The following NLGN4Y variants were observed in gnomAD, a reference collection of about 807,000 sequenced individuals.
NLGN4Y encodes neuroligin-4, Y-linked.
NLGN4Y carries 4 observed loss-of-function variants against 8.4 expected under a neutral mutation model. That is an observed-to-expected ratio of 0.48 (90% CI 0.23 to 1.09). NLGN4Y has a LOEUF of 1.09. NLGN4Y is among the 50% of genes least tolerant of loss of function. The pLI is 0.19. For synonymous variants in NLGN4Y, 35 were observed against 75.6 expected (o/e 0.46, Z 2.78); for missense variants, 90 against 192.3 (o/e 0.47, Z 3.15).
At chrY:14,809,010 G>A (rs2043067723) in intron 4 of NLGN4Y, among the ~76,000 whole-genome samples, 1 of 33,750 alleles carries the variant, frequency 3.0e-5, no homozygotes, top group Non-Finnish European at 7.3e-5. Context: ...TAATGAATTT[G>A]TGTGTCCAGT....
intron 2 of NLGN4Y, among the ~76,000 whole-genome samples, chrY:14,698,794 A>G (rs761744477): frequency 3.1e-5 from 1 of 32,312 alleles, no homozygotes; most frequent in South Asian, 7.0e-4. Flanking sequence ...AAATTTAAGC[A>G]TATTTATGCA....
At chrY:14,582,403 T>C (rs2080322322) in intron 1 of NLGN4Y, among the ~76,000 whole-genome samples, 2 of 32,971 alleles carry the variant, frequency 6.1e-5, no homozygotes, top group Non-Finnish European at 1.5e-4. Flanking sequence ...CCTGAAAGAT[T>C]GAGGCTGCAG....
intron 6 of NLGN4Y, among the ~76,000 whole-genome samples, chrY:14,834,417 A>G: frequency 5.9e-5 from 2 of 33,834 alleles, no homozygotes; most frequent in Non-Finnish European, 1.5e-4. Context: ...AGGTAATGAG[A>G]GCCTGAATGT....
At chrY:14,765,290 C>T in intron 4 of NLGN4Y, among the ~76,000 whole-genome samples, 1 of 33,776 alleles carries the variant, frequency 3.0e-5, no homozygotes, top group African/African-American at 1.2e-4. Context: ...ACACTTGACT[C>T]TATATTTCTT....
chrY:14,549,564 C>A, intron 1 of NLGN4Y, among the ~76,000 whole-genome samples: 1 of 33,218 alleles, frequency 3.0e-5, no homozygotes, highest in Non-Finnish European at 7.4e-5. Flanking sequence ...TTTTCTCATT[C>A]TTTTCAGGCT....
chrY:14,759,194 A>G lies in NLGN4Y; in HGVS notation c.685+35925A>G, dbSNP rs2081072418. Among the ~76,000 whole-genome samples, 4 of 34,426 alleles carry G rather than the reference A, an allele frequency of 1.2e-4. No individual in the cohort carries two copies. The South Asian group carries it at 1.9e-3, about 16-fold the overall frequency. 92.4% of individuals were successfully genotyped at this position (34,426 alleles called of 37,273 possible). A position where few individuals can be genotyped will look rare whatever the true frequency, so the allele number is the denominator to read the frequency against. The stretch of plus-strand genomic sequence containing the variant: ...AACTAACACTTCAAAGAAATGTCAG[A>G]CAGTTAATCATCACCTGACACCATA... On this transcript the variant is annotated intron_variant, in intron 4 of 6. Coordinates refer to ENST00000684976, the MANE Select transcript of NLGN4Y (RefSeq NM_001365588.1).
At position 14,793,210 on chromosome Y, in the gene NLGN4Y, G is replaced by T. The variant is rs757544805; in HGVS notation, c.686-30978G>T. 1.5e-4 allele frequency among the ~76,000 whole-genome samples: 5 copies of T among 33,460 alleles called. No homozygotes were observed. The East Asian group carries it at 2.3e-3, about 16-fold the overall frequency. The allele number at this position is 33,460 out of a possible 37,273, so 89.8% of individuals were successfully genotyped here. ...TGTGTTAAAATAATAAATATGTGTC[G>T]CTGTTAAAATAGTTTTGCATACATG... On this transcript the variant is annotated intron_variant, in intron 4 of 6. Transcript: ENST00000684976.
rs751810626 is a variant in NLGN4Y at position 14,677,440 on chromosome Y, C to A, written c.473-42019C>A. Among the ~76,000 whole-genome samples, 4 of 33,118 alleles carry A rather than the reference C, an allele frequency of 1.2e-4. No individual in the cohort carries two copies. In the East Asian group the frequency reaches 3.2e-3, roughly 27 times the overall value. The allele number at this position is 33,118 out of a possible 37,273, so 88.9% of individuals were successfully genotyped here. A position where few individuals can be genotyped will look rare whatever the true frequency, so the allele number is the denominator to read the frequency against. The stretch of plus-strand genomic sequence containing the variant: ...TTCCAGTGTTAGCTCCTTTTGCTTT[C>A]TTTTGTATACCTTGTGCCCTTGCCC... On this transcript the variant is annotated intron_variant, in intron 2 of 6. Transcript: ENST00000684976.
chrY:14,682,878 G>T, intron 2 of NLGN4Y, among the ~76,000 whole-genome samples: 1 of 32,089 alleles, frequency 3.1e-5, no homozygotes, highest in Non-Finnish European at 7.6e-5. Context: ...TGTGCCTATG[G>T]TCCCAGCTAC....
intron 4 of NLGN4Y, among the ~76,000 whole-genome samples, chrY:14,794,997 C>A: frequency 6.0e-5 from 2 of 33,446 alleles, no homozygotes; most frequent in Admixed American, 5.5e-4. Context: ...GCCTCAGCCC[C>A]CTGAGTAGCT....
At chrY:14,738,544 T>C in intron 4 of NLGN4Y, among the ~76,000 whole-genome samples, 1 of 32,633 alleles carries the variant, frequency 3.1e-5, no homozygotes, top group Non-Finnish European at 7.5e-5. Flanking sequence ...CTTTTCTAAT[T>C]AGTGGAGCAT....
At position 14,606,822 on chromosome Y, in the gene NLGN4Y, C is replaced by T. The variant is rs1045454789; in HGVS notation, c.-111-15187C>T. On this transcript the variant is annotated intron_variant, in intron 1 of 6. Transcript: ENST00000684976. ...CATTCCCAAAGCATATATATATATA[C>T]GTATATACACACACACATATACATA... Among the ~76,000 whole-genome samples, 5 of 31,961 alleles carry T rather than the reference C, an allele frequency of 1.6e-4. No individual in the cohort carries two copies. In the South Asian group the frequency reaches 2.1e-3, roughly 13 times the overall value. 85.7% of individuals were successfully genotyped at this position (31,961 alleles called of 37,273 possible). A position where few individuals can be genotyped will look rare whatever the true frequency, so the allele number is the denominator to read the frequency against.
chrY:14,833,847 G>A, intron 6 of NLGN4Y, among the ~76,000 whole-genome samples: 1 of 32,768 alleles, frequency 3.1e-5, no homozygotes, highest in Non-Finnish European at 7.5e-5. Context: ...GTAGACTGGA[G>A]CTGTTCCTAT....
intron 4 of NLGN4Y, among the ~76,000 whole-genome samples, chrY:14,823,605 TTA>T (rs2043131663): frequency 3.0e-5 from 1 of 33,888 alleles, no homozygotes; most frequent in African/African-American, 1.1e-4. Context: ...CTTCATGTTA[TTA>T]ATATTTTAGA....
chrY:14,654,211 A>T, intron 2 of NLGN4Y, among the ~76,000 whole-genome samples: 1 of 33,270 alleles, frequency 3.0e-5, no homozygotes, highest in Non-Finnish European at 7.4e-5. Flanking sequence ...TTAATCTTCC[A>T]TTCCTTTTCT....
chrY:14,734,758 A>G (rs773630718), intron 4 of NLGN4Y, among the ~76,000 whole-genome samples: 39 of 33,531 alleles, frequency 1.2e-3, no homozygotes, highest in Non-Finnish European at 2.8e-3. Flanking sequence ...TTGTTCTTAA[A>G]TGAGATTAAA....
At position 14,829,792 on chromosome Y, in the gene NLGN4Y, C is replaced by T; in HGVS notation, c.934C>T (p.Gln312Ter). The T allele has an allele frequency of 2.5e-6, 1 of 398,942 alleles. No individual in the cohort carries two copies. The highest frequency in any genetic ancestry group is 3.5e-6 in the Non-Finnish European group (1 of 283,640). Residue 312 changes from glutamine (Q) to a stop codon, truncating the protein, a stop_gained, in exon 6 of 7, where the codon CAG (glutamine) becomes TAG (stop). Transcript: ENST00000684976. LOFTEE classifies it high-confidence loss of function. ...CCTGTCCAGCTGGGCAGTGAACTAC[C>T]AGCCGGCCAAGTACACTCGGATATT... Reference protein sequence around the residue: ...TALSSWAVNYQPAKYTRILAD... With the variant: ...TALSSWAVNY
chrY:14,836,404 G>A (rs2043197840), intron 6 of NLGN4Y, among the ~76,000 whole-genome samples: 1 of 32,435 alleles, frequency 3.1e-5, no homozygotes, highest in African/African-American at 1.2e-4. Context: ...TAAAATGCAG[G>A]TGCCCATTGA....
At chrY:14,528,330 T>TTA (rs2080100262) in intron 1 of NLGN4Y, among the ~76,000 whole-genome samples, 4 of 31,232 alleles carry the variant, frequency 1.3e-4, no homozygotes, top group Non-Finnish European at 2.3e-4. Context: ...TTACTGTATA[T>TTA]TATATATATA....
Sources: allele counts gnomAD v4.1 joint callset (sites outside exome capture counted in the v4.1 genomes callset), GRCh38; gene constraint gnomAD v4.1.1; transcripts MANE v1.5; gene names NCBI Gene and HGNC (gene_info 2026-07-23, HGNC 2026-07-21).